Variants in CEP170 observed in about 807,000 individuals in gnomAD.
CEP170 encodes centrosomal protein of 170 kDa.
Under a neutral mutation model 151.9 loss-of-function variants are expected in CEP170, and 21 were observed. That is an observed-to-expected ratio of 0.14 (90% CI 0.10 to 0.20). The LOEUF (loss-of-function observed/expected upper bound fraction) is 0.20. CEP170 is among the 10% of genes least tolerant of loss of function. The pLI is 1.00. For missense variants in CEP170, 964 were observed against 1,892.9 expected, an observed-to-expected ratio of 0.51 and a Z score of 9.11; for synonymous variants, 356 against 648.8, an observed-to-expected ratio of 0.55 and a Z score of 6.86.
At chr1:243,137,002 C>T (rs1349875652) in intron 16 of CEP170, among the ~76,000 whole-genome samples, 1 of 152,288 alleles carries the variant, frequency 6.6e-6, no homozygotes, top group Non-Finnish European at 1.5e-5. Flanking sequence ...TCACCAACCT[C>T]TGTAAAGAGC....
intron 1 of CEP170, among the ~76,000 whole-genome samples, chr1:243,226,048 T>TAA (rs1392099428): frequency 5.5e-5 from 1 of 18,238 alleles, no homozygotes; most frequent in African/African-American, 1.1e-4. Context: ...TCTCTAGATA[T>TAA]ATATATCTAG....
chr1:243,127,886 C>G (rs1430467129), intron 19 of CEP170, among the ~76,000 whole-genome samples: 1 of 152,102 alleles, frequency 6.6e-6, no homozygotes, highest in Non-Finnish European at 1.5e-5. Context: ...GTTACACCAC[C>G]AACATAATTT....
chr1:243,244,358 CA>C (rs2065157149), intron 1 of CEP170, among the ~76,000 whole-genome samples: 1 of 11,766 alleles, frequency 8.5e-5, no homozygotes, highest in Non-Finnish European at 8.3e-3. Flanking sequence ...CTCCTTGTAT[CA>C]CACACACACA....
intron 1 of CEP170, among the ~76,000 whole-genome samples, chr1:243,253,914 C>T (rs980907176): frequency 1.3e-5 from 2 of 152,206 alleles, no homozygotes; most frequent in Non-Finnish European, 2.9e-5. Flanking sequence ...AATGAGTTAA[C>T]AACTTCGGTA....
intron 8 of CEP170, among the ~76,000 whole-genome samples, chr1:243,190,471 T>A (rs991576613): frequency 2.6e-5 from 4 of 152,074 alleles, no homozygotes; most frequent in Non-Finnish European, 5.9e-5. Context: ...TTAAAAAAAA[T>A]TTTAAAACTG....
chr1:243,143,023 CAAT>C (rs1384470489), intron 14 of CEP170, among the ~76,000 whole-genome samples: 1 of 152,116 alleles, frequency 6.6e-6, no homozygotes, highest in East Asian at 1.9e-4. Flanking sequence ...ATTAAACACA[CAAT>C]AATAACATTT....
chr1:243,143,523 AC>A (rs1271957298), intron 14 of CEP170, among the ~76,000 whole-genome samples: 1 of 152,314 alleles, frequency 6.6e-6, no homozygotes, highest in East Asian at 1.9e-4. Flanking sequence ...AGAGGGACAA[AC>A]TTACAAAACC....
intron 8 of CEP170, 85 bp downstream of exon 8, chr1:243,190,933 T>C: frequency 1.4e-6 from 2 of 1,443,572 alleles, no homozygotes; most frequent in Non-Finnish European, 1.8e-6. Flanking sequence ...TTCTACCATG[T>C]AAGTATCTAC....
chr1:243,144,622 G>C (rs1392658346), intron 14 of CEP170, among the ~76,000 whole-genome samples: 2 of 152,014 alleles, frequency 1.3e-5, no homozygotes, highest in Admixed American at 1.3e-4. Flanking sequence ...TTATGCAGAC[G>C]ATCTGTACAA....
At chr1:243,230,389 A>G (rs1558657739) in intron 1 of CEP170, among the ~76,000 whole-genome samples, 2 of 152,164 alleles carry the variant, frequency 1.3e-5, no homozygotes, top group Non-Finnish European at 2.9e-5. Context: ...ACAACAAAAA[A>G]GATTTGACAG....
At chr1:243,141,694 C>T (rs1247367973) in intron 15 of CEP170, among the ~76,000 whole-genome samples, 1 of 152,156 alleles carries the variant, frequency 6.6e-6, no homozygotes, top group Non-Finnish European at 1.5e-5. Context: ...AATGGTGCCT[C>T]CTGGAGTTAT....
intron 15 of CEP170, 99 bp downstream of exon 15, chr1:243,142,217 G>A (rs1447156428): frequency 1.3e-6 from 2 of 1,592,382 alleles, no homozygotes; most frequent in Non-Finnish European, 1.7e-6. Context: ...TGCAAACAGG[G>A]AGGGTGGACA....
chr1:243,248,162 G>A (rs187444541), intron 1 of CEP170, among the ~76,000 whole-genome samples: 34 of 152,310 alleles, frequency 2.2e-4, no homozygotes, highest in Admixed American at 2.0e-3. Flanking sequence ...AAAGGAAATT[G>A]CTTTCTCAGA....
At chr1:243,226,066 T>C (rs1046672786) in intron 1 of CEP170, among the ~76,000 whole-genome samples, 5 of 144,912 alleles carry the variant, frequency 3.5e-5, no homozygotes, top group African/African-American at 5.0e-5. Context: ...TAGATATATA[T>C]ATCTATATCT....
intron 1 of CEP170, among the ~76,000 whole-genome samples, chr1:243,233,681 C>T (rs1212228671): frequency 2.1e-5 from 3 of 142,034 alleles, no homozygotes; most frequent in African/African-American, 7.8e-5. Flanking sequence ...TACAGTGAGC[C>T]AAGATCACGC....
intron 1 of CEP170, among the ~76,000 whole-genome samples, chr1:243,251,346 C>T (rs963019337): frequency 5.3e-5 from 8 of 152,092 alleles, no homozygotes; most frequent in Admixed American, 2.0e-4. Context: ...AAGTGGTACC[C>T]TTTAACTTAC....
chr1:243,137,507 T>C (rs568613478), intron 16 of CEP170, among the ~76,000 whole-genome samples: 1 of 152,216 alleles, frequency 6.6e-6, no homozygotes, highest in Admixed American at 6.5e-5. Flanking sequence ...CCGGGCGCAG[T>C]GGCTCACGCC....
At chr1:243,179,272 G>A (rs1338550306) in intron 10 of CEP170, among the ~76,000 whole-genome samples, 2 of 152,094 alleles carry the variant, frequency 1.3e-5, no homozygotes, top group East Asian at 3.9e-4. Context: ...TTCATTCCCT[G>A]GTCATGTATC....
chr1:243,143,896 T>C (rs2056171960), intron 14 of CEP170, among the ~76,000 whole-genome samples: 1 of 152,178 alleles, frequency 6.6e-6, no homozygotes, highest in African/African-American at 2.4e-5. Flanking sequence ...AATGTGAGTT[T>C]GAAAGACTTT....
Sources: allele counts gnomAD v4.1 joint callset (sites outside exome capture counted in the v4.1 genomes callset), GRCh38; gene constraint gnomAD v4.1.1; transcripts MANE v1.5; gene names NCBI Gene and HGNC (gene_info 2026-07-23, HGNC 2026-07-21).